SGCD: variants seen among roughly 807,000 people sequenced by gnomAD.
The protein encoded by SGCD is sarcoglycan delta.
A neutral mutation model predicts 36.6 loss-of-function variants in SGCD; 18 were observed. The observed-to-expected ratio is 0.49, with a 90% CI of 0.34 to 0.73. The LOEUF (loss-of-function observed/expected upper bound fraction) is 0.73. Ranked by LOEUF, SGCD falls within the 30% of genes least tolerant of loss-of-function variation. The probability of loss-of-function intolerance (pLI) is 0.01; values close to 1 mark genes in which losing one functional copy is unlikely to be tolerated. For synonymous variants in SGCD, 133 were observed against 130.6 expected (o/e 1.02, Z -0.12); for missense variants, 387 against 346.7 (o/e 1.12, Z -0.92).
At chr5:156,039,525 A>T (rs1419518712) in intron 1 of SGCD, among the ~76,000 whole-genome samples, 1 of 152,176 alleles carries the variant, frequency 6.6e-6, no homozygotes, top group Non-Finnish European at 1.5e-5. Context: ...CTAATAAAGT[A>T]CAGGCACATG....
chr5:156,655,991 C>T (rs1438604431), intron 7 of SGCD, among the ~76,000 whole-genome samples: 1 of 152,020 alleles, frequency 6.6e-6, no homozygotes, highest in Admixed American at 6.6e-5. Context: ...GTAAAGTTTC[C>T]TTGTAGGATT....
At chr5:156,674,928 C>G (rs1753448063) in intron 7 of SGCD, among the ~76,000 whole-genome samples, 1 of 152,154 alleles carries the variant, frequency 6.6e-6, no homozygotes, top group Non-Finnish European at 1.5e-5. Context: ...TGACTTCATT[C>G]CCATTGTATT....
chr5:156,283,062 C>G (rs1405233227), intron 3 of SGCD, among the ~76,000 whole-genome samples: 1 of 152,108 alleles, frequency 6.6e-6, no homozygotes, highest in Non-Finnish European at 1.5e-5. Context: ...TTTAGTACGT[C>G]TAATAAACTC....
At chr5:156,049,788 T>C (rs1407053991) in intron 1 of SGCD, among the ~76,000 whole-genome samples, 1 of 146,324 alleles carries the variant, frequency 6.8e-6, no homozygotes, top group African/African-American at 2.5e-5. Context: ...GGGAAAAAGT[T>C]GATTCCAGTA....
chr5:156,259,259 A>T (rs1370528694), intron 3 of SGCD, among the ~76,000 whole-genome samples: 1 of 151,784 alleles, frequency 6.6e-6, no homozygotes, highest in South Asian at 2.1e-4. Context: ...GGCCATTCCT[A>T]TATCTTTGAT....
chr5:155,786,083 T>C, the SGCD span, among the ~76,000 whole-genome samples: 1 of 152,178 alleles, frequency 6.6e-6, no homozygotes, highest in Non-Finnish European at 1.5e-5. Context: ...TAGGAAATGT[T>C]CAATAAAGAA....
At chr5:156,733,061 C>G (rs1256544100) in intron 7 of SGCD, among the ~76,000 whole-genome samples, 2 of 151,918 alleles carry the variant, frequency 1.3e-5, no homozygotes, top group African/African-American at 4.8e-5. Flanking sequence ...TTTCATGTCT[C>G]TCTTTCAGTT....
At chr5:156,397,296 A>C (rs879541829) in intron 3 of SGCD, among the ~76,000 whole-genome samples, 7 of 152,174 alleles carry the variant, frequency 4.6e-5, no homozygotes, top group Admixed American at 2.6e-4. Flanking sequence ...AAAGAGTAAA[A>C]GTTTTATGCT....
At chr5:156,227,265 G>C (rs1416134451) in intron 3 of SGCD, among the ~76,000 whole-genome samples, 3 of 152,058 alleles carry the variant, frequency 2.0e-5, no homozygotes, top group Non-Finnish European at 2.9e-5. Context: ...TCCATCTTGA[G>C]TTGATTTTTA....
chr5:155,836,352 G>A, the SGCD span, among the ~76,000 whole-genome samples: 4 of 152,104 alleles, frequency 2.6e-5, no homozygotes, highest in Admixed American at 6.6e-5. Flanking sequence ...CTGGTCTATC[G>A]AAGAGCATTT....
intron 3 of SGCD, among the ~76,000 whole-genome samples, chr5:156,254,918 C>T (rs1765678101): frequency 6.6e-6 from 1 of 152,040 alleles, no homozygotes. Flanking sequence ...GATTGAGCAT[C>T]CCCAGTCTGA....
intron 3 of SGCD, among the ~76,000 whole-genome samples, chr5:156,495,420 T>C (rs772173789): frequency 1.3e-5 from 2 of 152,164 alleles, no homozygotes; most frequent in Non-Finnish European, 2.9e-5. Flanking sequence ...CTCACAAGTA[T>C]CAAAACGGCA....
chr5:155,916,904 T>C (rs930498145), intron 1 of SGCD, among the ~76,000 whole-genome samples: 4 of 152,196 alleles, frequency 2.6e-5, no homozygotes, highest in Non-Finnish European at 5.9e-5. Context: ...AGGCCTGAGA[T>C]GAAGCCATTT....
intron 1 of SGCD, among the ~76,000 whole-genome samples, chr5:156,075,710 A>G (rs1760760162): frequency 6.6e-6 from 1 of 152,204 alleles, no homozygotes; most frequent in African/African-American, 2.4e-5. Flanking sequence ...GTGTGGGGTG[A>G]TAACGATAGG....
At chr5:156,628,475 G>A (rs1233805901) in intron 6 of SGCD, among the ~76,000 whole-genome samples, 4 of 152,284 alleles carry the variant, frequency 2.6e-5, no homozygotes, top group Non-Finnish European at 4.4e-5. Context: ...TTAATGTACA[G>A]GAGTCCAAAT....
intron 3 of SGCD, among the ~76,000 whole-genome samples, chr5:156,412,986 A>G (rs1772850488): frequency 6.6e-6 from 1 of 151,230 alleles, no homozygotes; most frequent in East Asian, 2.0e-4. Flanking sequence ...TTTAGTAGAG[A>G]CGGGGTTTCA....
chr5:155,770,726 A>G, the SGCD span, among the ~76,000 whole-genome samples: 3 of 152,106 alleles, frequency 2.0e-5, no homozygotes, highest in Non-Finnish European at 4.4e-5. Context: ...TACTTGTTGC[A>G]TTATTGAATG....
intron 3 of SGCD, among the ~76,000 whole-genome samples, chr5:156,231,165 T>C (rs1169523131): frequency 2.6e-5 from 4 of 152,198 alleles, no homozygotes; most frequent in African/African-American, 7.2e-5. Flanking sequence ...ATTAGCCTAA[T>C]TGAAGTAGCT....
intron 1 of SGCD, among the ~76,000 whole-genome samples, chr5:156,034,267 TTC>T (rs1229673528): frequency 1.3e-5 from 2 of 152,230 alleles, no homozygotes; most frequent in African/African-American, 4.8e-5. Flanking sequence ...TTGCTCTGAA[TTC>T]TGTCTTTCCT....
Sources: allele counts gnomAD v4.1 joint callset (sites outside exome capture counted in the v4.1 genomes callset), GRCh38; gene constraint gnomAD v4.1.1; transcripts MANE v1.5; gene names NCBI Gene and HGNC (gene_info 2026-07-23, HGNC 2026-07-21).